Variants in GDPD5 observed in about 807,000 individuals in gnomAD.
The protein encoded by GDPD5 is glycerophosphodiester phosphodiesterase domain containing 5.
Under a neutral mutation model 75.1 loss-of-function variants are expected in GDPD5, and 48 were observed. That is an observed-to-expected ratio of 0.64 (90% CI 0.51 to 0.81). The LOEUF is 0.81. Ranked by LOEUF, GDPD5 falls within the 40% of genes least tolerant of loss-of-function variation. The pLI is 0.00. For missense variants in GDPD5, 706 were observed against 822.6 expected (o/e 0.86, Z 1.73); for synonymous variants, 336 against 339.0 (o/e 0.99, Z 0.10).
intron 7 of GDPD5, 60 bp from the exon 8 acceptor site, chr11:75,449,670 C>T: frequency 6.6e-7 from 1 of 1,505,012 alleles, no homozygotes; most frequent in Non-Finnish European, 9.1e-7. Context: ...GACCCTGTGT[C>T]ACCAGCCTCC....
chr11:75,486,369 C>T (rs935657865), intron 2 of GDPD5, among the ~76,000 whole-genome samples: 7 of 152,312 alleles, frequency 4.6e-5, no homozygotes, highest in East Asian at 1.9e-4. Flanking sequence ...GGCACCTGGT[C>T]GTCCTGAGCA....
intron 15 of GDPD5, chr11:75,437,289 T>G: frequency 1.9e-6 from 1 of 539,262 alleles, no homozygotes; most frequent in Non-Finnish European, 3.3e-6. Flanking sequence ...TCAGCAGCCC[T>G]GGCCCAGGAC....
rs545352064 is a variant in GDPD5, at chr11:75,440,340, T to C, written c.1474-379A>G. On this transcript the variant is annotated intron_variant, in intron 14 of 16. Coordinates refer to ENST00000336898, the MANE Select transcript of GDPD5 (RefSeq NM_030792.8). Reference sequence around the variant, plus strand: ...ACTCTCATCCATCGGTCTCGACCCTTTCCCCAGGCTGCCTTCCCTTCACCC... The same window carrying C: ...ACTCTCATCCATCGGTCTCGACCCTCTCCCCAGGCTGCCTTCCCTTCACCC... Among the ~76,000 whole-genome samples, 7 of 152,204 alleles carry C rather than the reference T, an allele frequency of 4.6e-5. No individual in the cohort carries two copies. The East Asian group carries it at 9.7e-4, about 21-fold the overall frequency.
At chr11:75,450,796 C>G (rs572585894) in intron 6 of GDPD5, 6 of 151,964 alleles carry the variant, frequency 3.9e-5, no homozygotes, top group African/African-American at 1.5e-4. Context: ...CCACCCACCC[C>G]CCTCCACACC....
At chr11:75,489,935 T>A (rs1203220415) in intron 2 of GDPD5, among the ~76,000 whole-genome samples, 4 of 152,096 alleles carry the variant, frequency 2.6e-5, no homozygotes, top group African/African-American at 7.2e-5. Context: ...AGCTCTAACA[T>A]GTATTTAATG....
At chr11:75,511,155 G>A (rs372397126) in intron 1 of GDPD5, among the ~76,000 whole-genome samples, 4 of 152,136 alleles carry the variant, frequency 2.6e-5, no homozygotes, top group African/African-American at 4.8e-5. Flanking sequence ...ATATCTCCAC[G>A]GCCACTTGCC....
intron 4 of GDPD5, among the ~76,000 whole-genome samples, chr11:75,459,334 A>ATT (rs34572465): frequency 2.9e-5 from 4 of 140,018 alleles, no homozygotes; most frequent in Admixed American, 7.1e-5. Flanking sequence ...AAGAGAATGA[A>ATT]TTTTTTTTTT....
At chr11:75,449,386 C>A in intron 8 of GDPD5, 131 bp downstream of exon 8, 1 of 853,348 alleles carries the variant, frequency 1.2e-6, no homozygotes, top group Non-Finnish European at 1.9e-6. Flanking sequence ...GAGCCAGAAT[C>A]CCCCTCACTG....
At chr11:75,507,616 T>A (rs1348342370) in intron 1 of GDPD5, among the ~76,000 whole-genome samples, 1 of 152,186 alleles carries the variant, frequency 6.6e-6, no homozygotes, top group Admixed American at 6.5e-5. Context: ...CCCAACACAG[T>A]GGTTGCCCCA....
chr11:75,492,892 G>A (rs1950135648), intron 1 of GDPD5, among the ~76,000 whole-genome samples: 1 of 151,946 alleles, frequency 6.6e-6, no homozygotes, highest in African/African-American at 2.4e-5. Context: ...ACCCCACCCA[G>A]CTAATTTTTG....
rs1949339982 is a variant in GDPD5, at chr11:75,458,455, G to A, written c.222-669C>T. Among the ~76,000 whole-genome samples, 4 of 152,202 alleles carry A rather than the reference G, an allele frequency of 2.6e-5. No individual in the cohort carries two copies. In the South Asian group the frequency reaches 8.3e-4, roughly 32 times the overall value. On this transcript the variant is annotated intron_variant, in intron 4 of 16. Transcript: ENST00000336898. ...TGGGAGGCTGAGGCGGGCGGATCAC[G>A]AGGTCAGGAGATCGAGACCATCCTG... is the stretch of plus-strand genomic sequence containing the variant.
chr11:75,439,369 A>G, intron 15 of GDPD5: 1 of 456,458 alleles, frequency 2.2e-6, no homozygotes, highest in East Asian at 7.0e-5. Flanking sequence ...GAGATGCCAG[A>G]GTGCAGCAGA....
intron 13 of GDPD5, 80 bp from the exon 14 acceptor site, chr11:75,441,390 C>T: frequency 6.5e-7 from 1 of 1,543,298 alleles, no homozygotes; most frequent in South Asian, 1.1e-5. Flanking sequence ...AAAGCACGTC[C>T]TGTTCACGAC....
In GDPD5 at chr11:75,456,724, C is replaced by T. The variant is rs73494864; in HGVS notation, c.375+33G>A. On this transcript the variant is annotated intron_variant, in intron 6 of 16. Transcript: ENST00000336898. ...CTGCTGCTGCCTCCAGCTTCCCTTG[C>T]TCTCTCCCAGCCCCGGCCGAGGCGG... is the stretch of plus-strand genomic sequence containing the variant. The T allele has an allele frequency of 1.9e-3, 3,076 of 1,611,500 alleles. 40 individuals carry two copies. The African/African-American group carries it at 0.035, about 18-fold the overall frequency.
chr11:75,435,453 T>C lies in GDPD5; in HGVS notation c.*54A>G, dbSNP rs1224010589. On this transcript the variant is annotated 3_prime_UTR_variant, in exon 17 of 17. Transcript: ENST00000336898. ...AGTTCAGACACACTTCCACCAGCTC[T>C]CCTAGGCTCCCCAGCTTCTGTGTCA... 5.2e-5 allele frequency: 78 copies of C among 1,497,612 alleles called. No individual in the cohort carries two copies. Among genetic ancestry groups the C allele is most frequent in the Non-Finnish European group, 6.8e-5 (76 of 1,116,420 alleles). The allele number at this position is 1,497,612 out of a possible 1,614,324, so 92.8% of individuals were successfully genotyped here. A position where few individuals can be genotyped will look rare whatever the true frequency, so the allele number is the denominator to read the frequency against.
chr11:75,449,271 TCA>T, intron 8 of GDPD5, 149 bp from the exon 9 acceptor site: 1 of 928,038 alleles, frequency 1.1e-6, no homozygotes, highest in South Asian at 1.6e-5. Context: ...CGCCTCTAAC[TCA>T]CACAGACACA....
chr11:75,507,982 AG>A (rs573687453), intron 1 of GDPD5, among the ~76,000 whole-genome samples: 7 of 150,574 alleles, frequency 4.6e-5, no homozygotes, highest in Non-Finnish European at 1.0e-4. Flanking sequence ...TTTTTTCCAC[AG>A]TAGGATTTTA....
intron 2 of GDPD5, 44 bp from the exon 3 acceptor site, chr11:75,477,839 G>A: frequency 1.4e-6 from 1 of 712,680 alleles, no homozygotes; most frequent in Non-Finnish European, 2.3e-6. Flanking sequence ...GAAGGGTGAG[G>A]AGTCAGGCAC....
rs1040643140 is a variant in GDPD5 at position 75,442,804 on chromosome 11, C to T, written c.949-223G>A. 9 of 604,938 alleles carry T rather than the reference C, an allele frequency of 1.5e-5. No homozygotes were observed. In the Admixed American group the frequency reaches 1.8e-4, roughly 12 times the overall value. The allele number at this position is 604,938 out of a possible 1,614,324, so 37.5% of individuals were successfully genotyped here. On this transcript the variant is annotated intron_variant, in intron 11 of 16. Coordinates refer to ENST00000336898, the MANE Select transcript of GDPD5 (RefSeq NM_030792.8). ...GGACGGAGGACGGCTTGCTTGGAAT[C>T]GCTCCCAGACCCACAGCATTTCTCC...
Sources: allele counts gnomAD v4.1 joint callset (sites outside exome capture counted in the v4.1 genomes callset), GRCh38; gene constraint gnomAD v4.1.1; transcripts MANE v1.5; gene names NCBI Gene and HGNC (gene_info 2026-07-23, HGNC 2026-07-21).